The following KIAA1217 variants were observed in gnomAD, a reference collection of about 807,000 sequenced individuals.
KIAA1217 encodes sickle tail protein homolog.
A neutral mutation model predicts 163.9 loss-of-function variants in KIAA1217; 88 were observed. The observed-to-expected ratio is 0.54, with a 90% CI of 0.45 to 0.64. KIAA1217 has a LOEUF of 0.64. KIAA1217 is among the 30% of genes least tolerant of loss of function. The pLI is 0.00. For missense variants in KIAA1217, 2,372 were observed against 2,475.0 expected (o/e 0.96, Z 0.88); for synonymous variants, 903 against 923.1 (o/e 0.98, Z 0.39).
chr10:24,076,056 T>TG (rs2061359545), intron 2 of KIAA1217, among the ~76,000 whole-genome samples: 1 of 152,062 alleles, frequency 6.6e-6, no homozygotes, highest in Non-Finnish European at 1.5e-5. Flanking sequence ...AGGAATCACT[T>TG]GGGGGGAGTA....
At chr10:24,337,601 T>G (rs2046519038) in intron 2 of KIAA1217, among the ~76,000 whole-genome samples, 1 of 51,070 alleles carries the variant, frequency 2.0e-5, no homozygotes, top group Admixed American at 1.6e-4. Context: ...TTTTCTTTTC[T>G]TTTCTTTTCT....
intron 3 of KIAA1217, among the ~76,000 whole-genome samples, chr10:24,401,227 T>C (rs2056491310): frequency 6.6e-6 from 1 of 151,782 alleles, no homozygotes; most frequent in South Asian, 2.1e-4. Flanking sequence ...AAATTCTTTA[T>C]TTGAGAGTGA....
intron 16 of KIAA1217, among the ~76,000 whole-genome samples, chr10:24,533,954 A>G (rs1018052181): frequency 4.6e-5 from 7 of 152,232 alleles, no homozygotes; most frequent in Non-Finnish European, 1.0e-4. Flanking sequence ...CATCAGAGAC[A>G]TATAAACAAT....
intron 9 of KIAA1217, among the ~76,000 whole-genome samples, chr10:24,507,050 C>G (rs1423786350): frequency 2.0e-5 from 3 of 152,170 alleles, no homozygotes; most frequent in Non-Finnish European, 4.4e-5. Flanking sequence ...AGCGAAGAGG[C>G]CTTGTTGAGC....
At chr10:24,433,270 GGT>G in intron 4 of KIAA1217, 77 bp downstream of exon 4, 2 of 1,131,650 alleles carry the variant, frequency 1.8e-6, no homozygotes, top group Non-Finnish European at 2.5e-6. Context: ...GTTTTTGAGG[GGT>G]TTTTTTTTAC....
intron 1 of KIAA1217, among the ~76,000 whole-genome samples, chr10:23,880,077 G>A (rs1286253088): frequency 6.6e-6 from 1 of 151,894 alleles, no homozygotes; most frequent in Non-Finnish European, 1.5e-5. Context: ...TTAGATGAGA[G>A]AGGGCATAGG....
chr10:24,531,784 T>C lies in KIAA1217; in HGVS notation c.3083-46T>C, dbSNP rs753803135. On this transcript the variant is annotated intron_variant, in intron 14 of 20. Transcript: ENST00000376454. The stretch of plus-strand genomic sequence containing the variant: ...AGCAATATACCAGACTTTCTGGATG[T>C]TTTCTTGAAAAAAGATTATTCTTGT... 3.3e-6 allele frequency: 5 copies of C among 1,502,806 alleles called. No individual in the cohort carries two copies. In the South Asian group the frequency reaches 6.8e-5, roughly 21 times the overall value. The allele number at this position is 1,502,806 out of a possible 1,614,324, so 93.1% of individuals were successfully genotyped here. A position where few individuals can be genotyped will look rare whatever the true frequency, so the allele number is the denominator to read the frequency against.
intron 2 of KIAA1217, among the ~76,000 whole-genome samples, chr10:24,140,890 T>C (rs897034756): frequency 3.9e-5 from 6 of 152,196 alleles, no homozygotes; most frequent in Non-Finnish European, 2.9e-5. Context: ...TCTTATTGCA[T>C]TGTCAACAGT....
chr10:23,778,929 T>C (rs1309470883), intron 1 of KIAA1217, among the ~76,000 whole-genome samples: 1 of 151,758 alleles, frequency 6.6e-6, no homozygotes, highest in South Asian at 2.1e-4. Flanking sequence ...AGCTGTTGAA[T>C]GGTATTTCAT....
At chr10:23,715,229 C>T (rs1837494505) in intron 1 of KIAA1217, among the ~76,000 whole-genome samples, 1 of 152,158 alleles carries the variant, frequency 6.6e-6, no homozygotes. Context: ...TGTGTATTGA[C>T]TTGGTTATTT....
intron 2 of KIAA1217, among the ~76,000 whole-genome samples, chr10:24,116,024 C>G (rs1462750070): frequency 1.3e-5 from 2 of 152,156 alleles, no homozygotes; most frequent in Non-Finnish European, 2.9e-5. Flanking sequence ...GCTTCCCAAT[C>G]CTCACTCTCA....
At chr10:24,237,063 A>C (rs1474982549) in intron 2 of KIAA1217, among the ~76,000 whole-genome samples, 1 of 152,222 alleles carries the variant, frequency 6.6e-6, no homozygotes, top group Admixed American at 6.5e-5. Flanking sequence ...AATTTAGAAA[A>C]AATAGCTCAT....
intron 1 of KIAA1217, among the ~76,000 whole-genome samples, chr10:23,979,008 G>A (rs766545044): frequency 1.1e-4 from 16 of 152,078 alleles, no homozygotes; most frequent in Admixed American, 4.6e-4. Flanking sequence ...CACATGGGTG[G>A]TGAATGAGCC....
chr10:24,185,358 C>A (rs980226180), intron 2 of KIAA1217, among the ~76,000 whole-genome samples: 1 of 135,314 alleles, frequency 7.4e-6, no homozygotes, highest in Admixed American at 7.1e-5. Flanking sequence ...GCTTCAGCAT[C>A]TCCTTGCAAG....
At chr10:23,990,498 C>T (rs1436191063) in intron 1 of KIAA1217, among the ~76,000 whole-genome samples, 3 of 152,162 alleles carry the variant, frequency 2.0e-5, no homozygotes, top group Non-Finnish European at 4.4e-5. Context: ...AAAGAATCCA[C>T]ACCCTTCTCC....
At chr10:24,410,920 GTCT>G (rs1334439587) in intron 3 of KIAA1217, among the ~76,000 whole-genome samples, 6 of 152,154 alleles carry the variant, frequency 3.9e-5, no homozygotes, top group Non-Finnish European at 7.3e-5. Flanking sequence ...CTTCGTGCGT[GTCT>G]TCTTTTTCTC....
chr10:24,192,187 G>C (rs1027755283), intron 2 of KIAA1217, among the ~76,000 whole-genome samples: 11 of 152,112 alleles, frequency 7.2e-5, no homozygotes, highest in African/African-American at 2.7e-4. Flanking sequence ...CAGTCACGCA[G>C]AAGTATGATT....
intron 2 of KIAA1217, among the ~76,000 whole-genome samples, chr10:24,348,378 C>G (rs2048056560): frequency 6.9e-6 from 1 of 144,654 alleles, no homozygotes; most frequent in Admixed American, 6.9e-5. Context: ...ACAAGAATTA[C>G]CAGTAAGTAT....
At chr10:24,418,036 C>T (rs562045730) in intron 3 of KIAA1217, among the ~76,000 whole-genome samples, 3 of 151,890 alleles carry the variant, frequency 2.0e-5, no homozygotes, top group Non-Finnish European at 4.4e-5. Flanking sequence ...CAGCCTTGAT[C>T]TCCTGGGCTC....
Sources: allele counts gnomAD v4.1 joint callset (sites outside exome capture counted in the v4.1 genomes callset), GRCh38; gene constraint gnomAD v4.1.1; transcripts MANE v1.5; gene names NCBI Gene and HGNC (gene_info 2026-07-23, HGNC 2026-07-21).